Variants in SYNE2 observed in about 807,000 individuals in gnomAD.
SYNE2 encodes spectrin repeat containing nuclear envelope protein 2.
SYNE2 carries 431 observed loss-of-function variants against 856.3 expected under a neutral mutation model. The ratio of observed to expected loss-of-function variants is 0.50; its 90% CI spans 0.47 to 0.55. SYNE2 has a LOEUF of 0.55. Ranked by LOEUF, SYNE2 falls within the 20% of genes least tolerant of loss-of-function variation. SYNE2 has a pLI of 0.00. For missense variants in SYNE2, 8,129 were observed against 8,023.2 expected, an observed-to-expected ratio of 1.01 and a Z score of -0.50; for synonymous variants, 2,923 against 2,872.3, an observed-to-expected ratio of 1.02 and a Z score of -0.56.
chr14:64,207,258 T>C (rs780115267), intron 100 of SYNE2, among the ~76,000 whole-genome samples: 22 of 152,284 alleles, frequency 1.4e-4, no homozygotes, highest in Middle Eastern at 3.4e-3. Context: ...ATGATCGGAA[T>C]TGTGTATTTA....
Position 64,165,401 on chromosome 14 carries a change from C to T in SYNE2, c.16596C>T (p.Asp5532=), listed in dbSNP as rs1029091181. 1 of 1,613,704 alleles carries T rather than the reference C, an allele frequency of 6.2e-7. No homozygotes were observed. The highest frequency in any genetic ancestry group is 8.5e-7 in the Non-Finnish European group (1 of 1,179,890). Residue 5532 remains aspartate (D), a synonymous_variant, in exon 90 of 116, where the codon GAC becomes GAT. Coordinates refer to ENST00000555002, the MANE Select transcript of SYNE2 (RefSeq NM_182914.3). ...ACCAACAGGAAAAAGAAAATCCTGA[C>T]TCATTCCTGGTATTGCCAATATTTG... is the stretch of plus-strand genomic sequence containing the variant. ...RLHQQEKENP[D]SFLNHVLALT...
chr14:64,148,346 A>G (rs976842745), intron 84 of SYNE2, among the ~76,000 whole-genome samples: 2 of 152,186 alleles, frequency 1.3e-5, no homozygotes, highest in East Asian at 1.9e-4. Context: ...AATTTTACCA[A>G]TAGAAAACCA....
chr14:63,986,355 C>G, intron 18 of SYNE2, 101 bp from the exon 19 acceptor site: 1 of 1,263,450 alleles, frequency 7.9e-7, no homozygotes, highest in Admixed American at 1.9e-5. Flanking sequence ...CTGCCCTGGC[C>G]TCCTAAAGAG....
At chr14:64,065,283 T>C (rs1341320768) in intron 50 of SYNE2, 149 bp from the exon 51 acceptor site, 7 of 730,106 alleles carry the variant, frequency 9.6e-6, no homozygotes, top group Non-Finnish European at 1.6e-5. Flanking sequence ...TCATCTGGTC[T>C]ATATTGACTT....
Position 64,202,938 on chromosome 14 carries a change from T to C in SYNE2, c.18176T>C (p.Ile6059Thr). 6.2e-7 allele frequency: 1 copy of C among 1,614,162 alleles called. No homozygotes were observed. Among genetic ancestry groups the C allele is most frequent in the Non-Finnish European group, 8.5e-7 (1 of 1,180,038 alleles). The change falls in exon 100 of 116, where the codon ATC (isoleucine) becomes ACC (threonine). Residue 6059 changes from isoleucine to threonine, a missense_variant. Ile to Thr is a moderately conservative substitution (Grantham distance 89). This residue lies in a region of SYNE2 where 5,410 missense variants were observed against 5,284.8 expected (regional missense o/e 1.02). Transcript: ENST00000555002. Reference sequence around the variant, plus strand: ...TATGATGTCTGCGATGATCAAGAGATCCAGAAGAGGCTCGCTGAGCAGCAG... The same window carrying C: ...TATGATGTCTGCGATGATCAAGAGACCCAGAAGAGGCTCGCTGAGCAGCAG... Reference protein sequence around the residue: ...VVYDVCDDQEIQKRLAEQQDL... With the variant: ...VVYDVCDDQETQKRLAEQQDL...
At position 64,087,468 on chromosome 14, in the gene SYNE2, A is replaced by C. The variant is rs189858690; in HGVS notation, c.11485-203A>C. The C allele has an allele frequency of 9.5e-6, 7 of 736,020 alleles. No homozygotes were observed. In the African/African-American group the frequency reaches 1.0e-4, roughly 11 times the overall value. The allele number at this position is 736,020 out of a possible 1,614,324, so 45.6% of individuals were successfully genotyped here. A position where few individuals can be genotyped will look rare whatever the true frequency, so the allele number is the denominator to read the frequency against. On this transcript the variant is annotated intron_variant, in intron 57 of 115. Transcript: ENST00000555002. Reference sequence around the variant, plus strand: ...CCAAGACCAAATATTTATGTTTCTTATTATGTTACAGTTATACAGGTAGAT... The same window carrying C: ...CCAAGACCAAATATTTATGTTTCTTCTTATGTTACAGTTATACAGGTAGAT...
At chr14:63,927,662 G>A (rs1302098583) in intron 2 of SYNE2, among the ~76,000 whole-genome samples, 1 of 152,114 alleles carries the variant, frequency 6.6e-6, no homozygotes, top group East Asian at 1.9e-4. Context: ...GGGAGGCCGA[G>A]GAGGACGGAT....
chr14:63,884,469 G>T (rs562805896), intron 1 of SYNE2, among the ~76,000 whole-genome samples: 2 of 152,138 alleles, frequency 1.3e-5, no homozygotes, highest in African/African-American at 4.8e-5. Context: ...ACTGTAAGGA[G>T]CTTAGGTTGC....
At position 64,045,917 on chromosome 14, in the gene SYNE2, T is replaced by A. The variant is rs75434645; in HGVS notation, c.7222-2083T>A. On this transcript the variant is annotated intron_variant, in intron 45 of 115. Transcript: ENST00000555002. Reference sequence around the variant, plus strand: ...TTCCTTCACACCCCTGCACCCAGTTTCCCCTATTGTTAACATCTTACATTA... The same window carrying A: ...TTCCTTCACACCCCTGCACCCAGTTACCCCTATTGTTAACATCTTACATTA... Among the ~76,000 whole-genome samples the A allele has an allele frequency of 9.1e-3, 1,386 of 152,312 alleles. 18 individuals carry two copies. Among genetic ancestry groups the A allele is most frequent in the African/African-American group, 0.031 (1,280 of 41,544 alleles).
At chr14:64,130,682 C>T (rs145160226) in intron 76 of SYNE2, among the ~76,000 whole-genome samples, 7,821 of 151,970 alleles carry the variant, frequency 0.051, 272 homozygotes, top group Non-Finnish European at 0.077. Flanking sequence ...GTCAGGAGTT[C>T]GAGACCAGCC....
At position 63,855,204 on chromosome 14, in the gene SYNE2, G is replaced by A. The variant is rs1047087890; in HGVS notation, c.-52+2061G>A. 2.6e-5 allele frequency among the ~76,000 whole-genome samples: 4 copies of A among 152,126 alleles called. No individual in the cohort carries two copies. The East Asian group carries it at 5.8e-4, about 22-fold the overall frequency. The stretch of plus-strand genomic sequence containing the variant: ...TGCTGGGTGTTGGGGCGATAGTGGT[G>A]CACAAGACAGTCGTGATTCCTGCCC... On this transcript the variant is annotated intron_variant, in intron 1 of 115. Coordinates refer to ENST00000555002, the MANE Select transcript of SYNE2 (RefSeq NM_182914.3).
chr14:63,848,074 A>G (rs1055982906), upstream of SYNE2, among the ~76,000 whole-genome samples: 1 of 151,912 alleles, frequency 6.6e-6, no homozygotes, highest in African/African-American at 2.4e-5. Flanking sequence ...TTTAGTAGAG[A>G]CTGGGTTTCA....
At chr14:63,961,646 A>G in intron 9 of SYNE2, 21 bp downstream of exon 9, 1 of 1,548,922 alleles carries the variant, frequency 6.5e-7, no homozygotes, top group Non-Finnish European at 8.9e-7. Flanking sequence ...ATATGCATAA[A>G]TCAAGCTCAT....
At position 64,009,950 on chromosome 14, in the gene SYNE2, A is replaced by T; in HGVS notation, c.4578-16A>T. The T allele has an allele frequency of 6.2e-7, 1 of 1,610,452 alleles. No individual in the cohort carries two copies. Among genetic ancestry groups the T allele is most frequent in the Non-Finnish European group, 8.5e-7 (1 of 1,177,718 alleles). Reference sequence around the variant, plus strand: ...ATTTTTGGACATTTAGCTATTGTATATTTTTCTATTCTTAGTCTTGAACAA... The same window carrying T: ...ATTTTTGGACATTTAGCTATTGTATTTTTTTCTATTCTTAGTCTTGAACAA... On this transcript the variant is annotated splice_polypyrimidine_tract_variant and intron_variant, in intron 31 of 115. Coordinates refer to ENST00000555002, the MANE Select transcript of SYNE2 (RefSeq NM_182914.3).
intron 80 of SYNE2, 124 bp downstream of exon 80, chr14:64,140,197 TG>T (rs2098128736): frequency 1.1e-6 from 1 of 896,402 alleles, no homozygotes; most frequent in South Asian, 1.4e-5. Flanking sequence ...CTTGGGCGAA[TG>T]GCAGCTGTGT....
chr14:64,016,294 A>G (rs1441795492), intron 32 of SYNE2, among the ~76,000 whole-genome samples, 179 bp from the exon 33 acceptor site: 1 of 152,174 alleles, frequency 6.6e-6, no homozygotes, highest in Non-Finnish European at 1.5e-5. Context: ...TTAGGATGCT[A>G]AAAACTTTTT....
At chr14:63,944,302 AT>A (rs1566869320) in intron 6 of SYNE2, among the ~76,000 whole-genome samples, 97 of 147,696 alleles carry the variant, frequency 6.6e-4, no homozygotes, top group African/African-American at 1.9e-3. Context: ...ATATATATAT[AT>A]ATATAAATAA....
intron 1 of SYNE2, among the ~76,000 whole-genome samples, chr14:63,801,150 G>C (rs34516595): frequency 0.1 from 15,839 of 152,130 alleles, 919 homozygotes; most frequent in African/African-American, 0.15. Context: ...GGAGCACAGT[G>C]GGATTCTTGC....
rs765564879 is a variant in SYNE2 at position 64,130,264 on chromosome 14, G to A, written c.14340+16G>A. On this transcript the variant is annotated intron_variant, in intron 76 of 115. Transcript: ENST00000555002. ...AAATCACAAGGTGAGACAGACACAT[G>A]GGTCGGGTGACCCCTTCATAGACTA... 1.2e-6 allele frequency: 2 copies of A among 1,604,458 alleles called. No individual in the cohort carries two copies. The highest frequency in any genetic ancestry group is 3.4e-5 in the Admixed American group (2 of 59,496).
Sources: gnomAD v4.1 joint callset for allele counts (sites outside exome capture counted in the v4.1 genomes callset) on GRCh38, gnomAD v4.1.1 for gene constraint, gnomAD v4.1.1 regional missense constraint, MANE v1.5 for transcripts, NCBI Gene and HGNC (gene_info 2026-07-23, HGNC 2026-07-21) for gene names.